SLC1A4: variants seen among roughly 807,000 people sequenced by gnomAD.
SLC1A4 encodes the protein solute carrier family 1 member 4, also known as neutral amino acid transporter A.
In SLC1A4, 19 loss-of-function variants were observed where a neutral mutation model predicts 37.7. The ratio of observed to expected loss-of-function variants is 0.50; its 90% CI spans 0.35 to 0.74. SLC1A4 has a LOEUF of 0.74. SLC1A4 is among the 30% of genes least tolerant of loss of function. The probability of loss-of-function intolerance (pLI) is 0.01; values close to 1 mark genes in which losing one functional copy is unlikely to be tolerated. For synonymous variants in SLC1A4, 299 were observed against 309.8 expected, an observed-to-expected ratio of 0.97 and a Z score of 0.37; for missense variants, 570 against 712.9, an observed-to-expected ratio of 0.80 and a Z score of 2.28.
intron 1 of SLC1A4, chr2:65,001,022 G>C (rs1224995139): frequency 6.4e-6 from 1 of 156,958 alleles, no homozygotes; most frequent in Admixed American, 6.4e-5. Context: ...TATAGACTTG[G>C]TTGGACACCA....
At chr2:64,996,570 T>C (rs2103637553) in intron 1 of SLC1A4, among the ~76,000 whole-genome samples, 1 of 152,328 alleles carries the variant, frequency 6.6e-6, no homozygotes, top group Middle Eastern at 3.4e-3. Flanking sequence ...GGCTGTCCAA[T>C]ACAATAGACA....
intron 1 of SLC1A4, chr2:65,001,102 T>C (rs3732062): frequency 0.21 from 42,576 of 204,414 alleles, 5,519 homozygotes; most frequent in East Asian, 0.55. Flanking sequence ...AAGTATCTAC[T>C]GTGGCCCAGC....
At chr2:64,990,366 G>A (rs2103625946) in intron 1 of SLC1A4, among the ~76,000 whole-genome samples, 196 bp downstream of exon 1, 1 of 152,294 alleles carries the variant, frequency 6.6e-6, no homozygotes, top group South Asian at 2.1e-4. Context: ...AACAGCTGGG[G>A]CGCACCGCAC....
In SLC1A4 at chr2:65,021,038, C is replaced by T. The variant is rs761666006; in HGVS notation, c.1491C>T (p.Ile497=). 6.2e-7 allele frequency: 1 copy of T among 1,614,232 alleles called. No homozygotes were observed. The highest frequency in any genetic ancestry group is 1.7e-5 in the Admixed American group (1 of 60,030). The stretch of plus-strand genomic sequence containing the variant: ...TTGCTGAGGTGAAAGTGGAAGCCAT[C>T]CCCAACTGCAAGTCTGAGGAGGAGA... ...QELAEVKVEA[I]PNCKSEEETS... is the part of the protein sequence containing the mutation. Residue 497 remains isoleucine (I), a synonymous_variant, in exon 8 of 8, where the codon ATC becomes ATT. Coordinates refer to ENST00000234256, the MANE Select transcript of SLC1A4 (RefSeq NM_003038.5).
chr2:64,991,683 C>T (rs1461986796), intron 1 of SLC1A4, among the ~76,000 whole-genome samples: 9 of 152,336 alleles, frequency 5.9e-5, no homozygotes, highest in Middle Eastern at 3.4e-3. Context: ...TCACTGCAAG[C>T]TCCGCCTCCT....
intron 4 of SLC1A4, among the ~76,000 whole-genome samples, chr2:65,011,727 C>T (rs940518244): frequency 6.6e-6 from 1 of 152,184 alleles, no homozygotes; most frequent in African/African-American, 2.4e-5. Context: ...CTCTCATAAG[C>T]TTTATCCTGC....
intron 4 of SLC1A4, among the ~76,000 whole-genome samples, chr2:65,014,738 T>C (rs962404045): frequency 2.0e-5 from 3 of 152,248 alleles, no homozygotes; most frequent in Non-Finnish European, 4.4e-5. Context: ...AACTTAGCAG[T>C]TCACTTCTTA....
At chr2:65,015,095 A>G (rs912862403) in intron 4 of SLC1A4, among the ~76,000 whole-genome samples, 1 of 152,254 alleles carries the variant, frequency 6.6e-6, no homozygotes, top group Non-Finnish European at 1.5e-5. Context: ...CAAACACTGT[A>G]TGATTCCACC....
Position 65,021,866 on chromosome 2 carries a change from T to C in SLC1A4, c.*720T>C, listed in dbSNP as rs1674441002. 5 of 152,510 alleles carry C rather than the reference T, an allele frequency of 3.3e-5. No homozygotes were observed. The highest frequency in any genetic ancestry group is 3.3e-4 in the Admixed American group (5 of 15,290). The allele number at this position is 152,510 out of a possible 1,614,324, so 9.4% of individuals were successfully genotyped here. Reference sequence around the variant, plus strand: ...GGGGGAGAAGCGGGGCAGAGGGTTCTCTAATCTAATCAGGACAGGACAGGT... The same window carrying C: ...GGGGGAGAAGCGGGGCAGAGGGTTCCCTAATCTAATCAGGACAGGACAGGT... On this transcript the variant is annotated 3_prime_UTR_variant, in exon 8 of 8. Coordinates refer to ENST00000234256, the MANE Select transcript of SLC1A4 (RefSeq NM_003038.5).
At position 64,991,928 on chromosome 2, in the gene SLC1A4, A is replaced by G. The variant is rs116754644; in HGVS notation, c.527+1758A>G. Among the ~76,000 whole-genome samples the G allele has an allele frequency of 4.5e-3, 691 of 152,192 alleles. 4 individuals carry two copies. Among genetic ancestry groups the G allele is most frequent in the African/African-American group, 0.016 (656 of 41,526 alleles). ...AGCTAACTGTTTTAAATTTTTTTAG[A>G]GATGGGGTTTCACTATGCTGCCCAG... is the stretch of plus-strand genomic sequence containing the variant. On this transcript the variant is annotated intron_variant, in intron 1 of 7. Coordinates refer to ENST00000234256, the MANE Select transcript of SLC1A4 (RefSeq NM_003038.5).
chr2:65,008,031 C>T (rs1336587321), intron 3 of SLC1A4, among the ~76,000 whole-genome samples: 5 of 152,192 alleles, frequency 3.3e-5, no homozygotes, highest in African/African-American at 1.2e-4. Flanking sequence ...TCTTTGTCTT[C>T]ATGAGATCCA....
chr2:64,988,908 G>T (rs1232548340), upstream of SLC1A4, among the ~76,000 whole-genome samples: 2 of 151,998 alleles, frequency 1.3e-5, no homozygotes, highest in South Asian at 4.1e-4. Flanking sequence ...GGGAGAGAGG[G>T]ATCCTCCCCT....
intron 1 of SLC1A4, among the ~76,000 whole-genome samples, chr2:64,995,986 C>G (rs1673238372): frequency 6.6e-6 from 1 of 152,156 alleles, no homozygotes; most frequent in Non-Finnish European, 1.5e-5. Context: ...CCAGTTCAAC[C>G]TCATTTCATA....
At chr2:65,004,207 C>T (rs1461104251) in intron 3 of SLC1A4, among the ~76,000 whole-genome samples, 192 bp downstream of exon 3, 1 of 152,118 alleles carries the variant, frequency 6.6e-6, no homozygotes, top group Admixed American at 6.6e-5. Flanking sequence ...CAAAGCACTA[C>T]AATCCTCAGA....
chr2:65,002,955 A>C (rs2103649814), intron 2 of SLC1A4, among the ~76,000 whole-genome samples: 1 of 152,084 alleles, frequency 6.6e-6, no homozygotes, highest in East Asian at 1.9e-4. Flanking sequence ...TTTACAATGA[A>C]AGACTTTTCT....
At chr2:65,003,495 A>G (rs1673556112) in intron 2 of SLC1A4, among the ~76,000 whole-genome samples, 1 of 152,244 alleles carries the variant, frequency 6.6e-6, no homozygotes, top group African/African-American at 2.4e-5. Flanking sequence ...AGACGGTAGA[A>G]GCAGTCATGC....
chr2:65,017,065 G>C (rs1249197057), intron 5 of SLC1A4, among the ~76,000 whole-genome samples: 2 of 152,236 alleles, frequency 1.3e-5, no homozygotes, highest in South Asian at 2.1e-4. Context: ...TTGCTCCTTA[G>C]AGGTCAGCAG....
intron 1 of SLC1A4, among the ~76,000 whole-genome samples, chr2:64,997,961 C>A (rs1054860806): frequency 6.6e-6 from 1 of 151,546 alleles, no homozygotes; most frequent in Non-Finnish European, 1.5e-5. Flanking sequence ...TTGGCAGGCG[C>A]AGTGGCTCAC....
chr2:65,021,253 A>G lies in SLC1A4; in HGVS notation c.*107A>G, dbSNP rs1191986034. ...GCCCTTGCCAACTTTTACCCTCCCA[A>G]GCAATGCTTTGGCCCAGTCGCTGGC... On this transcript the variant is annotated 3_prime_UTR_variant, in exon 8 of 8. Transcript: ENST00000234256. 24 of 875,104 alleles carry G rather than the reference A, an allele frequency of 2.7e-5. No homozygotes were observed. The highest frequency in any genetic ancestry group is 3.9e-5 in the Non-Finnish European group (22 of 562,058). The allele number at this position is 875,104 out of a possible 1,614,324, so 54.2% of individuals were successfully genotyped here.
Sources: gnomAD v4.1 joint callset for allele counts (sites outside exome capture counted in the v4.1 genomes callset) on GRCh38, gnomAD v4.1.1 for gene constraint, MANE v1.5 for transcripts, NCBI Gene and HGNC (gene_info 2026-07-23, HGNC 2026-07-21) for gene names.